Variants in HOPX observed in about 807,000 individuals in gnomAD.
HOPX encodes HOP homeobox.
Under a neutral mutation model 11.8 loss-of-function variants are expected in HOPX, and 5 were observed. The observed-to-expected ratio is 0.43, with a 90% CI of 0.22 to 0.89. The LOEUF (loss-of-function observed/expected upper bound fraction) is 0.89, where lower values mean the gene tolerates loss of function less well. HOPX is among the 40% of genes least tolerant of loss of function. HOPX has a pLI of 0.28. For synonymous variants in HOPX, 49 were observed against 49.7 expected (o/e 0.99, Z 0.06); for missense variants, 119 against 120.0 (o/e 0.99, Z 0.04).
At chr4:56,655,819 C>A (rs771497330) in intron 3 of HOPX, 38 bp downstream of exon 3, 74 of 1,597,492 alleles carry the variant, frequency 4.6e-5, no homozygotes, top group Non-Finnish European at 1.6e-5. Flanking sequence ...TCAGCCCAGG[C>A]AGGGGTCGGG....
chr4:56,667,337 T>A (rs201743475), intron 1 of HOPX, among the ~76,000 whole-genome samples: 4 of 152,332 alleles, frequency 2.6e-5, no homozygotes, highest in East Asian at 1.9e-4. Flanking sequence ...ATTTGATAAT[T>A]CAATTTGTTT....
At chr4:56,678,119 G>A (rs1719114557) in intron 1 of HOPX, among the ~76,000 whole-genome samples, 2 of 151,566 alleles carry the variant, frequency 1.3e-5, no homozygotes, top group Admixed American at 1.3e-4. Context: ...CGCTTGGAAG[G>A]TGCTGGATAC....
chr4:56,656,106 A>T, intron 2 of HOPX, 94 bp from the exon 3 acceptor site: 1 of 1,305,148 alleles, frequency 7.7e-7, no homozygotes, highest in South Asian at 2.0e-5. Flanking sequence ...GGGCAGCCCC[A>T]GCCCCAGGCC....
chr4:56,671,728 C>T (rs1252230858), intron 1 of HOPX, among the ~76,000 whole-genome samples: 2 of 152,084 alleles, frequency 1.3e-5, no homozygotes, highest in African/African-American at 4.8e-5. Context: ...GAATGTCCAG[C>T]TCAGGGGACA....
intron 1 of HOPX, chr4:56,665,083 G>C (rs929859340): frequency 6.6e-6 from 1 of 152,212 alleles, no homozygotes; most frequent in Non-Finnish European, 1.5e-5. Context: ...AGCCTCCTGA[G>C]TAGGCGGGAC....
chr4:56,680,865 T>C (rs1186595111), intron 1 of HOPX: 1 of 199,738 alleles, frequency 5.0e-6, no homozygotes. Flanking sequence ...ATGTCTGATT[T>C]TAGATAAAAG....
chr4:56,667,369 A>G (rs190504475), intron 1 of HOPX, among the ~76,000 whole-genome samples: 3 of 152,270 alleles, frequency 2.0e-5, no homozygotes, highest in African/African-American at 7.2e-5. Context: ...CCTCTTCTCT[A>G]TTATCCAGTT....
At chr4:56,668,529 C>T (rs1051419137) in intron 1 of HOPX, among the ~76,000 whole-genome samples, 3 of 152,142 alleles carry the variant, frequency 2.0e-5, no homozygotes, top group African/African-American at 7.2e-5. Flanking sequence ...GATAGAGAAG[C>T]AGAAATAATG....
Position 56,656,015 on chromosome 4 carries a change from G to C in HOPX, c.43-3C>G, listed in dbSNP as rs1310891499. 5 of 1,586,922 alleles carry C rather than the reference G, an allele frequency of 3.2e-6. No individual in the cohort carries two copies. The South Asian group carries it at 5.7e-5, about 18-fold the overall frequency. On this transcript the variant is annotated splice_polypyrimidine_tract_variant and splice_region_variant and intron_variant, in intron 2 of 3. Transcript: ENST00000420433. ...TCCGCCGACATGGTCCCTGCGCGCTGCGGGGCAGGGAGAAGCGGCGGCGGT... is the reference window on the plus strand; with the variant it reads ...TCCGCCGACATGGTCCCTGCGCGCTCCGGGGCAGGGAGAAGCGGCGGCGGT...
At chr4:56,661,095 A>G (rs1290071014) in intron 1 of HOPX, among the ~76,000 whole-genome samples, 1 of 152,180 alleles carries the variant, frequency 6.6e-6, no homozygotes, top group Non-Finnish European at 1.5e-5. Flanking sequence ...TACAGGTATG[A>G]GCCACTGCGT....
At chr4:56,653,874 AG>A (rs1216576025) in intron 3 of HOPX, among the ~76,000 whole-genome samples, 1 of 152,230 alleles carries the variant, frequency 6.6e-6, no homozygotes, top group Non-Finnish European at 1.5e-5. Context: ...GAAAAAAAGC[AG>A]GTGCCCTTTT....
chr4:56,660,033 A>G (rs1307468637), intron 1 of HOPX, among the ~76,000 whole-genome samples: 1 of 152,258 alleles, frequency 6.6e-6, no homozygotes, highest in Non-Finnish European at 1.5e-5. Context: ...AACCCTTTTA[A>G]AAACTTTTCA....
At chr4:56,651,858 A>AAGAG (rs72305569) in intron 3 of HOPX, among the ~76,000 whole-genome samples, 8 of 105,316 alleles carry the variant, frequency 7.6e-5, no homozygotes, top group South Asian at 2.8e-4. Context: ...GAGAGAGAGA[A>AAGAG]AGAGAGAGAG....
At chr4:56,680,925 G>T in intron 1 of HOPX, 1 of 465,290 alleles carries the variant, frequency 2.1e-6, no homozygotes, top group Non-Finnish European at 2.8e-6. Context: ...AAAATCATAG[G>T]CATCTGACAA....
At chr4:56,664,238 C>T (rs1294940366) in intron 1 of HOPX, 3 of 151,846 alleles carry the variant, frequency 2.0e-5, no homozygotes, top group African/African-American at 7.3e-5. Flanking sequence ...TCAAGCAATT[C>T]TCCTGCCTCA....
chr4:56,657,689 G>A, intron 2 of HOPX, 86 bp downstream of exon 2: 3 of 726,516 alleles, frequency 4.1e-6, no homozygotes, highest in Non-Finnish European at 7.6e-6. Flanking sequence ...GTCATACCAG[G>A]TCAGAAACAC....
At chr4:56,679,137 G>A (rs1214756173) in intron 1 of HOPX, 1 of 152,306 alleles carries the variant, frequency 6.6e-6, no homozygotes, top group African/African-American at 2.4e-5. Context: ...AGCTACTTGG[G>A]AGGCTGAGGT....
intron 1 of HOPX, among the ~76,000 whole-genome samples, chr4:56,677,584 A>G (rs1233207066): frequency 6.6e-6 from 1 of 151,716 alleles, no homozygotes; most frequent in Non-Finnish European, 1.5e-5. Context: ...AGAGAATAAG[A>G]CCTGGAAAGT....
At chr4:56,658,504 G>A (rs926909321) in intron 1 of HOPX, among the ~76,000 whole-genome samples, 7 of 152,200 alleles carry the variant, frequency 4.6e-5, no homozygotes, top group Admixed American at 2.0e-4. Flanking sequence ...TTCTAGAAAC[G>A]AAGGTGGAAG....
Sources: gnomAD v4.1 joint callset for allele counts (sites outside exome capture counted in the v4.1 genomes callset) on GRCh38, gnomAD v4.1.1 for gene constraint, MANE v1.5 for transcripts, NCBI Gene and HGNC (gene_info 2026-07-23, HGNC 2026-07-21) for gene names.